The following EPHA6 variants were observed in gnomAD, a reference collection of about 807,000 sequenced individuals.
EPHA6 encodes the protein EPH receptor A6.
In EPHA6, 50 loss-of-function variants were observed where a neutral mutation model predicts 112.0. That is an observed-to-expected ratio of 0.45 (90% CI 0.36 to 0.56). The LOEUF (loss-of-function observed/expected upper bound fraction) is 0.56, where lower values mean the gene tolerates loss of function less well. Ranked by LOEUF, EPHA6 falls within the 20% of genes least tolerant of loss-of-function variation. EPHA6 has a pLI of 0.00. For missense variants in EPHA6, 1,280 were observed against 1,417.4 expected (o/e 0.90, Z 1.56); for synonymous variants, 529 against 490.7 (o/e 1.08, Z -1.03).
chr3:96,927,897 A>G (rs998310374), intron 2 of EPHA6, among the ~76,000 whole-genome samples: 1 of 152,196 alleles, frequency 6.6e-6, no homozygotes, highest in Admixed American at 6.5e-5. Flanking sequence ...ATTTACTCAC[A>G]GTTCTGCAGG....
chr3:96,945,196 A>G (rs2041190232), intron 2 of EPHA6, among the ~76,000 whole-genome samples: 1 of 152,188 alleles, frequency 6.6e-6, no homozygotes, highest in African/African-American at 2.4e-5. Context: ...CTGGTCCATG[A>G]TACCATCATC....
At chr3:96,936,766 G>A (rs1044562950) in intron 2 of EPHA6, among the ~76,000 whole-genome samples, 2 of 151,952 alleles carry the variant, frequency 1.3e-5, no homozygotes, top group Admixed American at 6.6e-5. Flanking sequence ...CCACTCCTCC[G>A]ACCCCACAAC....
intron 3 of EPHA6, among the ~76,000 whole-genome samples, chr3:97,170,780 T>A (rs2076679094): frequency 1.3e-5 from 2 of 151,800 alleles, no homozygotes; most frequent in African/African-American, 4.8e-5. Flanking sequence ...TAGGACCAGG[T>A]CTGAGAGGAG....
Position 97,756,072 on chromosome 3 carries a change from CATAAT to C in EPHA6, c.*7377_*7381del, listed in dbSNP as rs1022353046. 2.6e-5 allele frequency among the ~76,000 whole-genome samples: 4 copies of C among 151,912 alleles called. No homozygotes were observed. The highest frequency in any genetic ancestry group is 5.9e-5 in the Non-Finnish European group (4 of 67,856). On this transcript the variant is annotated 3_prime_UTR_variant, in exon 18 of 18. Transcript: ENST00000389672. Reference sequence around the variant, plus strand: ...CACATCTTCATTCACTTAGAGAAGCCATAATATAATTCTTCATATTAGTTTATTTT... The same window carrying C: ...CACATCTTCATTCACTTAGAGAAGCCATAATTCTTCATATTAGTTTATTTT...
chr3:97,255,144 A>ATGTGTG (rs10631180), intron 5 of EPHA6, among the ~76,000 whole-genome samples: 1,836 of 144,340 alleles, frequency 0.013, 16 homozygotes, highest in East Asian at 0.046. Flanking sequence ...TACATCTTGG[A>ATGTGTG]TGTGTGTGTG....
At chr3:97,176,145 C>G (rs1341747068) in intron 3 of EPHA6, among the ~76,000 whole-genome samples, 1 of 151,710 alleles carries the variant, frequency 6.6e-6, no homozygotes, top group Non-Finnish European at 1.5e-5. Flanking sequence ...TTTTCAGAAT[C>G]AATTGAAATG....
At chr3:97,476,775 T>G (rs927839895) in intron 8 of EPHA6, among the ~76,000 whole-genome samples, 46 of 152,068 alleles carry the variant, frequency 3.0e-4, no homozygotes, top group African/African-American at 1.1e-3. Context: ...TCTAATGTGG[T>G]TGAGTTAAAA....
At chr3:97,161,605 C>A (rs1283000814) in intron 3 of EPHA6, among the ~76,000 whole-genome samples, 3 of 152,156 alleles carry the variant, frequency 2.0e-5, no homozygotes, top group African/African-American at 7.2e-5. Context: ...CCACAAGGCG[C>A]TGTGCCTTTT....
intron 3 of EPHA6, among the ~76,000 whole-genome samples, chr3:97,085,239 A>T: frequency 6.6e-6 from 1 of 152,156 alleles, no homozygotes; most frequent in East Asian, 1.9e-4. Context: ...TACAAAACTT[A>T]ATTCTACCTT....
chr3:96,831,517 A>ATT (rs1323450775), intron 1 of EPHA6, among the ~76,000 whole-genome samples: 1 of 144,672 alleles, frequency 6.9e-6, no homozygotes, highest in African/African-American at 2.5e-5. Context: ...GTGATTGTTC[A>ATT]TTTTTTTTTT....
At position 97,753,597 on chromosome 3, in the gene EPHA6, G is replaced by T. The variant is rs1026140721; in HGVS notation, c.*4896G>T. ...CGTATATGGATTCACTACCTCAAAGGTGCCTCCTGTTAGAAAACATTAGCT... is the reference window on the plus strand; with the variant it reads ...CGTATATGGATTCACTACCTCAAAGTTGCCTCCTGTTAGAAAACATTAGCT... On this transcript the variant is annotated 3_prime_UTR_variant, in exon 18 of 18. Transcript: ENST00000389672. Among the ~76,000 whole-genome samples the T allele has an allele frequency of 6.6e-6, 1 of 152,016 alleles. No individual in the cohort carries two copies. The highest frequency in any genetic ancestry group is 2.4e-5 in the African/African-American group (1 of 41,394).
At chr3:96,879,288 A>T (rs2037161045) in intron 2 of EPHA6, among the ~76,000 whole-genome samples, 1 of 152,082 alleles carries the variant, frequency 6.6e-6, no homozygotes, top group African/African-American at 2.4e-5. Flanking sequence ...TATGAATTCA[A>T]ATTTATTTCT....
At chr3:96,979,400 A>G (rs1363322302) in intron 2 of EPHA6, among the ~76,000 whole-genome samples, 2 of 152,106 alleles carry the variant, frequency 1.3e-5, no homozygotes, top group African/African-American at 4.8e-5. Flanking sequence ...TTGTGGCTGC[A>G]TAGTATTCCA....
rs137965593 is a variant in EPHA6, at chr3:97,480,175, T to C, written c.2074+811T>C. On this transcript the variant is annotated intron_variant, in intron 9 of 17. Coordinates refer to ENST00000389672, the MANE Select transcript of EPHA6 (RefSeq NM_001080448.3). ...ATTTAAGTGAGGAACTTTTATTTTT[T>C]ATTATTATTTTTTAAGTATAATTAG... Among the ~76,000 whole-genome samples, 411 of 152,176 alleles carry C rather than the reference T, an allele frequency of 2.7e-3. 1 individual carries two copies. The highest frequency in any genetic ancestry group is 9.7e-3 in the African/African-American group (403 of 41,586).
chr3:97,739,650 T>G (rs1331642415), intron 16 of EPHA6, among the ~76,000 whole-genome samples: 1 of 152,112 alleles, frequency 6.6e-6, no homozygotes, highest in Admixed American at 6.6e-5. Flanking sequence ...CAAATATTCT[T>G]GTGCCTGACA....
At chr3:97,029,449 A>G (rs1432704434) in intron 3 of EPHA6, among the ~76,000 whole-genome samples, 1 of 152,044 alleles carries the variant, frequency 6.6e-6, no homozygotes, top group Non-Finnish European at 1.5e-5. Context: ...CTAATTCTCA[A>G]TAAGAATTAT....
chr3:97,056,770 TTAATCTTCCATTTCTCTG>T (rs1233713380), intron 3 of EPHA6, among the ~76,000 whole-genome samples: 2 of 152,202 alleles, frequency 1.3e-5, no homozygotes, highest in African/African-American at 4.8e-5. Flanking sequence ...GCATCTTCAT[TTAATCTTCCATTTCTCTG>T]TAAAGTGGGA....
intron 2 of EPHA6, among the ~76,000 whole-genome samples, chr3:96,907,385 A>G (rs1472456528): frequency 6.6e-6 from 1 of 151,750 alleles, no homozygotes; most frequent in Non-Finnish European, 1.5e-5. Context: ...GTTCATTATG[A>G]TTATAGAAAA....
intron 3 of EPHA6, among the ~76,000 whole-genome samples, chr3:96,993,919 A>G (rs1407624139): frequency 2.0e-5 from 3 of 152,260 alleles, no homozygotes; most frequent in Non-Finnish European, 4.4e-5. Context: ...GATTTAAAAT[A>G]GAATAAATCT....
Sources: allele counts gnomAD v4.1 joint callset (sites outside exome capture counted in the v4.1 genomes callset), GRCh38; gene constraint gnomAD v4.1.1; transcripts MANE v1.5; gene names NCBI Gene and HGNC (gene_info 2026-07-23, HGNC 2026-07-21).